The following NCALD variants were observed in gnomAD, a reference collection of about 807,000 sequenced individuals.
NCALD encodes neurocalcin-delta.
A neutral mutation model predicts 18.6 loss-of-function variants in NCALD; 10 were observed. That is an observed-to-expected ratio of 0.54 (90% confidence interval 0.33 to 0.91). The LOEUF (loss-of-function observed/expected upper bound fraction) is 0.91. NCALD is among the 40% of genes least tolerant of loss of function. The probability of loss-of-function intolerance (pLI) is 0.03; values close to 1 mark genes in which losing one functional copy is unlikely to be tolerated. For synonymous variants in NCALD, 88 were observed against 87.4 expected, an observed-to-expected ratio of 1.01 and a Z score of -0.04; for missense variants, 184 against 247.6, an observed-to-expected ratio of 0.74 and a Z score of 1.72.
chr8:101,700,087 G>C (rs1431907375), intron 2 of NCALD, among the ~76,000 whole-genome samples: 1 of 150,444 alleles, frequency 6.6e-6, no homozygotes, highest in African/African-American at 2.4e-5. Flanking sequence ...TTGAGAAAAG[G>C]TCTCATTCTG....
intron 4 of NCALD, among the ~76,000 whole-genome samples, chr8:101,857,377 A>G (rs1216605113): frequency 6.6e-6 from 1 of 152,196 alleles, no homozygotes; most frequent in Non-Finnish European, 1.5e-5. Flanking sequence ...GACACAGCCA[A>G]AAAGGCACAG....
intron 4 of NCALD, among the ~76,000 whole-genome samples, chr8:101,821,667 T>C (rs1163059525): frequency 2.0e-5 from 3 of 152,178 alleles, no homozygotes; most frequent in African/African-American, 7.2e-5. Context: ...TTCCAATCTA[T>C]TGGAAGTAAA....
intron 1 of NCALD, among the ~76,000 whole-genome samples, chr8:102,065,756 T>C (rs1587006978): frequency 6.6e-6 from 1 of 152,176 alleles, no homozygotes; most frequent in South Asian, 2.1e-4. Context: ...GGAGGATCGC[T>C]TGAGGCCAGG....
chr8:101,779,419 C>T (rs1428375470), intron 1 of NCALD, among the ~76,000 whole-genome samples: 1 of 152,000 alleles, frequency 6.6e-6, no homozygotes, highest in Non-Finnish European at 1.5e-5. Context: ...TTTAGTTTCT[C>T]CAGGTCAGAG....
intron 1 of NCALD, among the ~76,000 whole-genome samples, chr8:102,031,661 C>T (rs946596654): frequency 3.3e-5 from 5 of 152,046 alleles, no homozygotes; most frequent in African/African-American, 9.7e-5. Context: ...AAAATCTGAT[C>T]GTTTTCAGAA....
chr8:101,949,591 G>A (rs1819310506), intron 2 of NCALD, among the ~76,000 whole-genome samples: 1 of 152,086 alleles, frequency 6.6e-6, no homozygotes, highest in Non-Finnish European at 1.5e-5. Flanking sequence ...ACATTTGAAA[G>A]ACACTAAACA....
chr8:101,891,851 C>T (rs1023294695), intron 3 of NCALD, among the ~76,000 whole-genome samples: 7 of 152,186 alleles, frequency 4.6e-5, no homozygotes, highest in Admixed American at 2.0e-4. Context: ...ACACCTGGCT[C>T]GGAGGGTCCT....
At chr8:101,985,269 G>A (rs574730262) in intron 2 of NCALD, among the ~76,000 whole-genome samples, 39 of 152,188 alleles carry the variant, frequency 2.6e-4, no homozygotes, top group South Asian at 6.2e-4. Flanking sequence ...TGAGTGAGCC[G>A]TCTTGAAGGT....
In NCALD at chr8:101,855,938, C is replaced by T. The variant is rs114654082; in HGVS notation, c.-20+31203G>A. Among the ~76,000 whole-genome samples, 653 of 152,206 alleles carry T rather than the reference C, an allele frequency of 4.3e-3. 4 individuals are homozygous for T. Among genetic ancestry groups the T allele is most frequent in the African/African-American group, 0.012 (515 of 41,526 alleles). On this transcript the variant is annotated intron_variant, in intron 4 of 6. Coordinates refer to the NCALD transcript ENST00000311028. The stretch of plus-strand genomic sequence containing the variant: ...CCTTCCTTTATTTGAAGTCCAGAGA[C>T]GATCAAATATAGATATCCTCATGAA...
At chr8:101,736,106 C>T (rs1809901538) in intron 1 of NCALD, among the ~76,000 whole-genome samples, 2 of 152,154 alleles carry the variant, frequency 1.3e-5, no homozygotes, top group Non-Finnish European at 2.9e-5. Flanking sequence ...ATGCAGGAGC[C>T]CTCATTCTGT....
chr8:101,900,703 A>G (rs1374572363), intron 3 of NCALD, among the ~76,000 whole-genome samples: 2 of 152,032 alleles, frequency 1.3e-5, no homozygotes, highest in African/African-American at 4.8e-5. Flanking sequence ...TGATTTGATT[A>G]TAGCCAGAGA....
intron 2 of NCALD, among the ~76,000 whole-genome samples, chr8:101,944,676 T>C (rs1250203973): frequency 1.3e-5 from 2 of 151,634 alleles, no homozygotes; most frequent in African/African-American, 4.8e-5. Context: ...AGGAGGAGAG[T>C]TTACAGTATT....
chr8:101,802,336 C>T (rs547256657), intron 4 of NCALD, among the ~76,000 whole-genome samples: 1 of 152,052 alleles, frequency 6.6e-6, no homozygotes, highest in African/African-American at 2.4e-5. Context: ...TTCCCTATTC[C>T]CCGAGATACA....
intron 3 of NCALD, among the ~76,000 whole-genome samples, chr8:101,895,604 T>C (rs1366797490): frequency 1.3e-5 from 2 of 148,538 alleles, no homozygotes; most frequent in Non-Finnish European, 3.0e-5. Context: ...TGATTGTATA[T>C]CTAGAAAACC....
chr8:101,822,523 G>T (rs564887414), intron 4 of NCALD, among the ~76,000 whole-genome samples: 1 of 152,224 alleles, frequency 6.6e-6, no homozygotes, highest in African/African-American at 2.4e-5. Flanking sequence ...GACATCGGTG[G>T]GCATGGAAAG....
At chr8:102,032,105 A>G (rs1268227759) in intron 1 of NCALD, among the ~76,000 whole-genome samples, 1 of 152,178 alleles carries the variant, frequency 6.6e-6, no homozygotes, top group Non-Finnish European at 1.5e-5. Flanking sequence ...GCTGCCCACC[A>G]TAAACTAACT....
At chr8:101,802,367 C>T (rs1297525038) in intron 4 of NCALD, among the ~76,000 whole-genome samples, 1 of 152,056 alleles carries the variant, frequency 6.6e-6, no homozygotes, top group Non-Finnish European at 1.5e-5. Context: ...AATAATCCCA[C>T]AATGGCCTCT....
intron 1 of NCALD, among the ~76,000 whole-genome samples, chr8:102,107,158 TAAA>T (rs1394104095): frequency 6.9e-6 from 1 of 144,132 alleles, no homozygotes; most frequent in East Asian, 2.0e-4. Flanking sequence ...CTTTTTAATT[TAAA>T]AAATTATTTA....
intron 2 of NCALD, among the ~76,000 whole-genome samples, chr8:101,931,644 C>T (rs1203084482): frequency 6.7e-6 from 1 of 148,664 alleles, no homozygotes; most frequent in African/African-American, 2.6e-5. Context: ...TTTCCTTTCT[C>T]GTATTTTCTT....
Sources: gnomAD v4.1 joint callset for allele counts (sites outside exome capture counted in the v4.1 genomes callset) on GRCh38, gnomAD v4.1.1 for gene constraint, MANE v1.5 for transcripts, NCBI Gene and HGNC (gene_info 2026-07-23, HGNC 2026-07-21) for gene names.